Variants in TMEM131L observed in about 807,000 individuals in gnomAD.
TMEM131L encodes the protein transmembrane 131 like.
In TMEM131L, 54 loss-of-function variants were observed where a neutral mutation model predicts 192.2. That is an observed-to-expected ratio of 0.28 (90% confidence interval 0.23 to 0.35). The LOEUF (loss-of-function observed/expected upper bound fraction) is 0.35, where lower values mean the gene tolerates loss of function less well. Ranked by LOEUF, TMEM131L falls within the 10% of genes least tolerant of loss-of-function variation. The probability of loss-of-function intolerance (pLI) is 1.00; values close to 1 mark genes in which losing one functional copy is unlikely to be tolerated. For missense variants in TMEM131L, 1,888 were observed against 1,972.9 expected, an observed-to-expected ratio of 0.96 and a Z score of 0.82; for synonymous variants, 701 against 704.9, an observed-to-expected ratio of 0.99 and a Z score of 0.09.
At chr4:153,581,844 A>G (rs1428894474) in intron 9 of TMEM131L, among the ~76,000 whole-genome samples, 2 of 152,244 alleles carry the variant, frequency 1.3e-5, no homozygotes, top group African/African-American at 2.4e-5. Context: ...AGTTTAATAT[A>G]AATATTTACA....
At chr4:153,627,494 C>G in intron 30 of TMEM131L, 111 bp from the exon 31 acceptor site, 1 of 731,220 alleles carries the variant, frequency 1.4e-6, no homozygotes, top group Non-Finnish European at 2.3e-6. Context: ...CCAAGAAACT[C>G]TTCCCCAAGA....
At chr4:153,507,049 A>AT (rs1195943904) in intron 3 of TMEM131L, among the ~76,000 whole-genome samples, 2 of 152,012 alleles carry the variant, frequency 1.3e-5, no homozygotes, top group Non-Finnish European at 2.9e-5. Flanking sequence ...AGGAATGCAC[A>AT]TTTTTTAAGG....
chr4:153,570,336 G>A (rs1389008800), intron 7 of TMEM131L, among the ~76,000 whole-genome samples: 2 of 152,198 alleles, frequency 1.3e-5, no homozygotes, highest in Non-Finnish European at 2.9e-5. Flanking sequence ...AAGGAAGTTG[G>A]AGAGAGCCTC....
At chr4:153,508,127 T>G (rs534283273) in intron 3 of TMEM131L, among the ~76,000 whole-genome samples, 2 of 152,162 alleles carry the variant, frequency 1.3e-5, no homozygotes, top group Non-Finnish European at 2.9e-5. Context: ...AGGAACTGAA[T>G]CAGGGAAAAA....
rs1731974761 is a variant in TMEM131L at position 153,481,957 on chromosome 4, C to T, written c.239+8069C>T. Among the ~76,000 whole-genome samples the T allele has an allele frequency of 2.0e-5, 3 of 152,188 alleles. No homozygotes were observed. The South Asian group carries it at 6.2e-4, about 32-fold the overall frequency. ...CATCTCCCAGGTTCAAGGGTTTCTC[C>T]TGCCTCAGCCTCCTGAGTAGCTGGG... On this transcript the variant is annotated intron_variant, in intron 3 of 34. Coordinates refer to ENST00000409959, the MANE Select transcript of TMEM131L (RefSeq NM_001131007.2).
At chr4:153,581,729 C>G (rs560511385) in intron 9 of TMEM131L, among the ~76,000 whole-genome samples, 169 bp downstream of exon 9, 5 of 152,274 alleles carry the variant, frequency 3.3e-5, no homozygotes, top group African/African-American at 1.2e-4. Flanking sequence ...GCTAAGAAGG[C>G]TGTATTATTT....
At chr4:153,580,045 G>A (rs953528054) in intron 7 of TMEM131L, among the ~76,000 whole-genome samples, 2 of 152,126 alleles carry the variant, frequency 1.3e-5, no homozygotes, top group Admixed American at 1.3e-4. Flanking sequence ...CTATGCCAGA[G>A]ACATTAAACT....
chr4:153,589,247 A>G (rs1033469700), intron 16 of TMEM131L, among the ~76,000 whole-genome samples: 1 of 152,194 alleles, frequency 6.6e-6, no homozygotes, highest in African/African-American at 2.4e-5. Flanking sequence ...TTTTCTATTA[A>G]GTCGACAACT....
At chr4:153,549,452 C>G (rs1461931054) in intron 3 of TMEM131L, among the ~76,000 whole-genome samples, 1 of 152,084 alleles carries the variant, frequency 6.6e-6, no homozygotes, top group Non-Finnish European at 1.5e-5. Flanking sequence ...GTTTATATGT[C>G]ATGTATCTTT....
chr4:153,523,604 C>A (rs996410054), intron 3 of TMEM131L, among the ~76,000 whole-genome samples: 2 of 152,076 alleles, frequency 1.3e-5, no homozygotes, highest in Admixed American at 6.5e-5. Flanking sequence ...CAGAGCTGGT[C>A]GGCTAGTTGT....
At chr4:153,626,637 G>A (rs1466706874) in intron 30 of TMEM131L, among the ~76,000 whole-genome samples, 1 of 152,178 alleles carries the variant, frequency 6.6e-6, no homozygotes, top group African/African-American at 2.4e-5. Context: ...AGCGGCGCAT[G>A]CCTGTATTTC....
At chr4:153,579,697 C>T (rs559357848) in intron 7 of TMEM131L, among the ~76,000 whole-genome samples, 39 of 152,182 alleles carry the variant, frequency 2.6e-4, no homozygotes, top group African/African-American at 8.9e-4. Context: ...TGGTCTGCAA[C>T]TCCTGGGCTC....
intron 11 of TMEM131L, among the ~76,000 whole-genome samples, chr4:153,584,111 C>G (rs1285852354): frequency 6.6e-6 from 1 of 152,172 alleles, no homozygotes; most frequent in African/African-American, 2.4e-5. Flanking sequence ...TTTGTTAGGA[C>G]AGAACAGCTG....
intron 25 of TMEM131L, among the ~76,000 whole-genome samples, chr4:153,609,856 C>T (rs1360872766): frequency 1.3e-5 from 2 of 152,154 alleles, no homozygotes; most frequent in East Asian, 1.9e-4. Context: ...ATACTTATGG[C>T]TTCCAGAATC....
chr4:153,553,967 T>C (rs1737820724), intron 4 of TMEM131L, among the ~76,000 whole-genome samples: 1 of 152,190 alleles, frequency 6.6e-6, no homozygotes, highest in Admixed American at 6.5e-5. Flanking sequence ...CTCTGTTAGG[T>C]CTGGAGAGAT....
intron 33 of TMEM131L, among the ~76,000 whole-genome samples, chr4:153,634,948 G>A (rs548399557): frequency 6.6e-6 from 1 of 152,304 alleles, no homozygotes; most frequent in Admixed American, 6.5e-5. Context: ...TAACCACAAG[G>A]GGGTGCTTTG....
At chr4:153,603,769 C>G in intron 24 of TMEM131L, 33 bp from the exon 25 acceptor site, 8 of 1,547,776 alleles carry the variant, frequency 5.2e-6, no homozygotes, top group Non-Finnish European at 6.9e-6. Context: ...TTTGATTTGC[C>G]TCTATGCTAA....
chr4:153,488,808 C>T (rs897650241), intron 3 of TMEM131L, among the ~76,000 whole-genome samples: 3 of 152,238 alleles, frequency 2.0e-5, no homozygotes, highest in African/African-American at 7.2e-5. Context: ...CCTCTGAAAC[C>T]CTCGGGGAGT....
intron 2 of TMEM131L, among the ~76,000 whole-genome samples, chr4:153,472,404 A>G (rs1200050086): frequency 6.6e-6 from 1 of 152,218 alleles, no homozygotes; most frequent in Non-Finnish European, 1.5e-5. Context: ...AAAGTTGCTT[A>G]GTGAAGTTCC....
Sources: allele counts gnomAD v4.1 joint callset (sites outside exome capture counted in the v4.1 genomes callset), GRCh38; gene constraint gnomAD v4.1.1; transcripts MANE v1.5; gene names NCBI Gene and HGNC (gene_info 2026-07-23, HGNC 2026-07-21).